GREB1: variants seen among roughly 807,000 people sequenced by gnomAD.
GREB1 encodes the protein protein GREB1.
In GREB1, 106 loss-of-function variants were observed where a neutral mutation model predicts 200.7. The ratio of observed to expected loss-of-function variants is 0.53; its 90% CI spans 0.45 to 0.62. The LOEUF (loss-of-function observed/expected upper bound fraction) is 0.62, where lower values mean the gene tolerates loss of function less well. GREB1 is among the 20% of genes least tolerant of loss of function. GREB1 has a pLI of 0.00. For missense variants in GREB1, 2,243 were observed against 2,556.8 expected, an observed-to-expected ratio of 0.88 and a Z score of 2.65; for synonymous variants, 1,132 against 1,092.4, an observed-to-expected ratio of 1.04 and a Z score of -0.72.
intron 1 of GREB1, among the ~76,000 whole-genome samples, chr2:11,514,283 C>A (rs1340297128): frequency 1.3e-5 from 2 of 152,206 alleles, no homozygotes; most frequent in African/African-American, 4.8e-5. Flanking sequence ...GTACGTATTA[C>A]CATGTTACCT....
intron 9 of GREB1, chr2:11,588,198 C>A: frequency 5.2e-6 from 4 of 773,642 alleles, no homozygotes; most frequent in Non-Finnish European, 6.4e-6. Context: ...CACTGCACTC[C>A]AGCCCGGGGA....
At chr2:11,565,334 T>C (rs1429863262) in intron 3 of GREB1, among the ~76,000 whole-genome samples, 1 of 152,210 alleles carries the variant, frequency 6.6e-6, no homozygotes, top group Non-Finnish European at 1.5e-5. Context: ...CCCACAGGTG[T>C]TGCTTTCTCC....
Position 11,637,705 on chromosome 2 carries a change from T to G in GREB1, c.5347-11T>G. On this transcript the variant is annotated splice_polypyrimidine_tract_variant and intron_variant, in intron 30 of 32. Transcript: ENST00000381486. Reference sequence around the variant, plus strand: ...GGGCAGTAGTGGCCTGACACCCCCCTTCCCGTGCAGGTGTCTGATAACTCT... The same window carrying G: ...GGGCAGTAGTGGCCTGACACCCCCCGTCCCGTGCAGGTGTCTGATAACTCT... 1 of 1,611,640 alleles carries G rather than the reference T, an allele frequency of 6.2e-7. No individual in the cohort carries two copies. The highest frequency in any genetic ancestry group is 1.1e-5 in the South Asian group (1 of 91,046).
intron 1 of GREB1, among the ~76,000 whole-genome samples, chr2:11,495,318 A>G (rs1308825055): frequency 3.3e-5 from 5 of 152,224 alleles, no homozygotes; most frequent in Admixed American, 2.6e-4. Context: ...ACAGATGTGT[A>G]AACTGAGGCT....
chr2:11,618,482 A>T lies in GREB1; in HGVS notation c.3607A>T (p.Ser1203Cys). 1.2e-6 allele frequency: 2 copies of T among 1,609,510 alleles called. No individual in the cohort carries two copies. The highest frequency in any genetic ancestry group is 1.3e-5 in the African/African-American group (1 of 74,956). ...CGGGCCGACGCCCCAGCCCGACTGT[A>T]GCCTCAGGACCGGCCAGAGGAGCGT... ...SPGPTPQPDC[S>C]LRTGQRSVQV... The change falls in exon 22 of 33, where the codon AGC becomes TGC. Residue 1203 changes from serine to cysteine, a missense_variant. This residue lies in a region of GREB1 where 587 missense variants were observed against 553.1 expected (regional missense o/e 1.06). Transcript: ENST00000381486.
intron 2 of GREB1, among the ~76,000 whole-genome samples, chr2:11,557,097 T>TG (rs1676501027): frequency 6.6e-6 from 1 of 152,256 alleles, no homozygotes; most frequent in Non-Finnish European, 1.5e-5. Context: ...AACATGCTTT[T>TG]GACCCTCAGC....
In GREB1 at chr2:11,597,737, G is replaced by T. The variant is rs368260786; in HGVS notation, c.1955-44G>T. The T allele has an allele frequency of 6.4e-7, 1 of 1,564,116 alleles. No homozygotes were observed. Among genetic ancestry groups the T allele is most frequent in the Admixed American group, 1.7e-5 (1 of 59,970 alleles). On this transcript the variant is annotated intron_variant, in intron 13 of 32. Coordinates refer to ENST00000381486, the MANE Select transcript of GREB1 (RefSeq NM_014668.4). The surrounding 1 kb of genome is among the most constrained non-coding windows in gnomAD (Gnocchi z 4.1). ...TCTGGCCAAGGGCCTGGCAGTAGCC[G>T]TGTGCCCTGGAGCTCACCTGGCATC...
intron 17 of GREB1, among the ~76,000 whole-genome samples, chr2:11,603,093 G>A (rs1451311139): frequency 6.6e-6 from 1 of 152,196 alleles, no homozygotes; most frequent in Non-Finnish European, 1.5e-5. Flanking sequence ...ACAGAACTGG[G>A]TGAGAACCCA....
chr2:11,557,401 T>C (rs140202740), intron 2 of GREB1, among the ~76,000 whole-genome samples: 1,896 of 152,378 alleles, frequency 0.012, 20 homozygotes, highest in Middle Eastern at 0.031. Context: ...TTTTGTAAGT[T>C]GATGTCTTTG....
chr2:11,595,296 C>T lies in GREB1; in HGVS notation c.1742C>T (p.Ala581Val), dbSNP rs376082843. 22 of 1,612,996 alleles carry T rather than the reference C, an allele frequency of 1.4e-5. No individual in the cohort carries two copies. The highest frequency in any genetic ancestry group is 1.1e-4 in the African/African-American group (8 of 75,020). The change falls in exon 12 of 33, where the codon GCG becomes GTG. Residue 581 changes from alanine to valine, a missense_variant. Coordinates refer to ENST00000381486, the MANE Select transcript of GREB1 (RefSeq NM_014668.4). Reference sequence around the variant, plus strand: ...CTTTCCGAGAGCCTTCTCACTCCTGCGGAGTACCAGAAGGAAGTCAATTAC... The same window carrying T: ...CTTTCCGAGAGCCTTCTCACTCCTGTGGAGTACCAGAAGGAAGTCAATTAC... ...RILSESLLTPAEYQKEVNYEL... is the reference protein window; with the variant it reads ...RILSESLLTPVEYQKEVNYEL...
intron 1 of GREB1, among the ~76,000 whole-genome samples, chr2:11,555,798 G>A (rs893285179): frequency 2.6e-5 from 4 of 152,092 alleles, no homozygotes; most frequent in Admixed American, 6.5e-5. Flanking sequence ...AAAATTGATC[G>A]TATGATAGTT....
At chr2:11,544,800 A>C (rs2148543176) in intron 1 of GREB1, among the ~76,000 whole-genome samples, 1 of 151,808 alleles carries the variant, frequency 6.6e-6, no homozygotes, top group East Asian at 2.0e-4. Context: ...ACATTCTTAG[A>C]ATGCTCTTGG....
At chr2:11,638,095 G>A (rs1248956673) in intron 31 of GREB1, among the ~76,000 whole-genome samples, 179 bp downstream of exon 31, 1 of 152,198 alleles carries the variant, frequency 6.6e-6, no homozygotes, top group Non-Finnish European at 1.5e-5. Flanking sequence ...GAAGTAAGAC[G>A]ATAGGAAGCC....
chr2:11,549,892 T>C (rs114229957), intron 1 of GREB1, among the ~76,000 whole-genome samples: 144 of 152,340 alleles, frequency 9.5e-4, no homozygotes, highest in African/African-American at 3.2e-3. Flanking sequence ...TGATGATCTT[T>C]GGATGTCTGC....
At chr2:11,542,004 C>T (rs970801948) in intron 1 of GREB1, among the ~76,000 whole-genome samples, 5 of 152,052 alleles carry the variant, frequency 3.3e-5, no homozygotes, top group South Asian at 2.1e-4. Flanking sequence ...CCATTCCCTT[C>T]TCTGTTTCCC....
intron 1 of GREB1, among the ~76,000 whole-genome samples, chr2:11,546,147 A>T (rs1156646248): frequency 6.6e-6 from 1 of 152,128 alleles, no homozygotes; most frequent in Non-Finnish European, 1.5e-5. Context: ...ACTGAACTCA[A>T]GCCTGGGTGA....
intron 1 of GREB1, among the ~76,000 whole-genome samples, chr2:11,523,526 G>A (rs568450128): frequency 1.7e-4 from 26 of 152,264 alleles, no homozygotes; most frequent in South Asian, 8.3e-4. Context: ...CTTCTGTAAC[G>A]TGTGTCTTTC....
chr2:11,552,863 A>C (rs540370843), intron 1 of GREB1, among the ~76,000 whole-genome samples: 12 of 151,846 alleles, frequency 7.9e-5, no homozygotes, highest in Admixed American at 3.9e-4. Context: ...TACAAAAATT[A>C]GCCGGGCATG....
At chr2:11,555,626 C>A (rs567889607) in intron 1 of GREB1, among the ~76,000 whole-genome samples, 1 of 152,252 alleles carries the variant, frequency 6.6e-6, no homozygotes, top group East Asian at 1.9e-4. Flanking sequence ...AGAAGCCAGT[C>A]ACAAAAGACC....
Sources: gnomAD v4.1 joint callset for allele counts (sites outside exome capture counted in the v4.1 genomes callset) on GRCh38, gnomAD v4.1.1 for gene constraint, gnomAD v4.1.1 regional missense constraint, Gnocchi (gnomAD v3.1) non-coding constraint, MANE v1.5 for transcripts, NCBI Gene and HGNC (gene_info 2026-07-23, HGNC 2026-07-21) for gene names.